The following SWAP70 variants were observed in gnomAD, a reference collection of about 807,000 sequenced individuals.
SWAP70 encodes the protein switching B cell complex subunit SWAP70.
In SWAP70, 34 loss-of-function variants were observed where a neutral mutation model predicts 80.2. That is an observed-to-expected ratio of 0.42 (90% CI 0.32 to 0.56). The LOEUF (loss-of-function observed/expected upper bound fraction) is 0.56. Among genes scored for constraint, SWAP70 ranks in the 20% least tolerant of loss-of-function variants. The pLI is 0.09. For synonymous variants in SWAP70, 239 were observed against 238.5 expected, an observed-to-expected ratio of 1.00 and a Z score of -0.02; for missense variants, 578 against 690.7, an observed-to-expected ratio of 0.84 and a Z score of 1.83.
At chr11:9,724,298 TTTG>T (rs1338935241) in intron 3 of SWAP70, among the ~76,000 whole-genome samples, 1 of 152,238 alleles carries the variant, frequency 6.6e-6, no homozygotes, top group Non-Finnish European at 1.5e-5. Context: ...TTAGCGCTTG[TTTG>T]TTGAGTAAGA....
intron 1 of SWAP70, among the ~76,000 whole-genome samples, chr11:9,684,007 T>C (rs1359261924): frequency 6.6e-6 from 1 of 152,154 alleles, no homozygotes; most frequent in Non-Finnish European, 1.5e-5. Flanking sequence ...TTCATTCTTT[T>C]ATTTTTAATT....
chr11:9,672,195 C>CTATGTATGTATA (rs530619499), intron 1 of SWAP70, among the ~76,000 whole-genome samples: 15 of 78,438 alleles, frequency 1.9e-4, no homozygotes, highest in Non-Finnish European at 2.6e-4. Flanking sequence ...ATGTGTGTGT[C>CTATGTATGTATA]TATATATATA....
At chr11:9,698,745 A>G (rs933804512) in intron 2 of SWAP70, among the ~76,000 whole-genome samples, 1 of 152,172 alleles carries the variant, frequency 6.6e-6, no homozygotes, top group African/African-American at 2.4e-5. Context: ...CAGAGATGAT[A>G]ACATTACCCT....
chr11:9,675,346 C>G (rs935036413), intron 1 of SWAP70, among the ~76,000 whole-genome samples: 733 of 8,322 alleles, frequency 0.088, 47 homozygotes, highest in African/African-American at 0.14. Flanking sequence ...AGAGAGGGAG[C>G]GAGAGAGAGA....
intron 1 of SWAP70, among the ~76,000 whole-genome samples, chr11:9,665,174 C>T (rs1370841823): frequency 6.6e-6 from 1 of 152,046 alleles, no homozygotes; most frequent in Non-Finnish European, 1.5e-5. Flanking sequence ...ATTTTAGATC[C>T]GAATGTCCGG....
rs564339201 is a variant in SWAP70, at chr11:9,664,155, T to TTGGCGGGGCAGCAGGGCC, written c.-24_-7dup. 1,062 of 1,544,810 alleles carry TTGGCGGGGCAGCAGGGCC rather than the reference T, an allele frequency of 6.9e-4. 13 individuals carry two copies. The East Asian group carries it at 0.023, about 33-fold the overall frequency. On this transcript the variant is annotated 5_prime_UTR_variant, in exon 1 of 12. Coordinates refer to ENST00000318950, the MANE Select transcript of SWAP70 (RefSeq NM_015055.4). ...GGAGGGGCTGGCTGGGCAGGAGGGG[T>TTGGCGGGGCAGCAGGGCC]TGGCGGGGCAGCAGGGCCGCGGCCA... is the stretch of plus-strand genomic sequence containing the variant.
chr11:9,719,622 G>A (rs1431601885), intron 3 of SWAP70, among the ~76,000 whole-genome samples: 1 of 152,148 alleles, frequency 6.6e-6, no homozygotes, highest in African/African-American at 2.4e-5. Flanking sequence ...ATATTTAAGT[G>A]ACTTACATAG....
At chr11:9,680,273 G>A (rs578019223) in intron 1 of SWAP70, among the ~76,000 whole-genome samples, 4 of 152,248 alleles carry the variant, frequency 2.6e-5, no homozygotes, top group South Asian at 4.1e-4. Context: ...ACTCTAAGCC[G>A]TGCCATCCAG....
At chr11:9,687,658 A>G (rs541212718) in intron 1 of SWAP70, among the ~76,000 whole-genome samples, 37 of 152,290 alleles carry the variant, frequency 2.4e-4, no homozygotes, top group African/African-American at 8.7e-4. Flanking sequence ...CATCAGTGGC[A>G]TATATTCTGT....
chr11:9,725,845 C>A (rs1476458351), intron 4 of SWAP70, among the ~76,000 whole-genome samples: 1 of 152,092 alleles, frequency 6.6e-6, no homozygotes, highest in Non-Finnish European at 1.5e-5. Flanking sequence ...GTTGGCATTA[C>A]AGGCGTGAAC....
At position 9,738,333 on chromosome 11, in the gene SWAP70, T is replaced by C. The variant is rs752142880; in HGVS notation, c.1188+13T>C. 4 of 1,571,244 alleles carry C rather than the reference T, an allele frequency of 2.5e-6. No individual in the cohort carries two copies. The highest frequency in any genetic ancestry group is 3.4e-4 in the Middle Eastern group (2 of 5,864). On this transcript the variant is annotated intron_variant, in intron 8 of 11. Coordinates refer to ENST00000318950, the MANE Select transcript of SWAP70 (RefSeq NM_015055.4). ...AAGAGAGAAGCTTGTGAGTATCACATGGCTGGAGAAAGCAGCTGCAGTAGC... is the reference window on the plus strand; with the variant it reads ...AAGAGAGAAGCTTGTGAGTATCACACGGCTGGAGAAAGCAGCTGCAGTAGC...
chr11:9,727,500 C>T (rs749640453), intron 4 of SWAP70, among the ~76,000 whole-genome samples: 2 of 132,196 alleles, frequency 1.5e-5, no homozygotes, highest in African/African-American at 6.5e-5. Flanking sequence ...GCTGGGATTA[C>T]AGGCATGAGC....
At chr11:9,706,851 G>C (rs187052586) in intron 2 of SWAP70, among the ~76,000 whole-genome samples, 2 of 151,466 alleles carry the variant, frequency 1.3e-5, no homozygotes, top group African/African-American at 2.4e-5. Context: ...CTGTGTATAT[G>C]GTCAGTACAT....
At chr11:9,676,655 T>A (rs898488034) in intron 1 of SWAP70, among the ~76,000 whole-genome samples, 1 of 150,728 alleles carries the variant, frequency 6.6e-6, no homozygotes, top group Non-Finnish European at 1.5e-5. Context: ...GCAGTTTTTT[T>A]TTTTTTTTTT....
chr11:9,727,897 G>A (rs1449808323), intron 4 of SWAP70, among the ~76,000 whole-genome samples, 156 bp from the exon 5 acceptor site: 1 of 152,074 alleles, frequency 6.6e-6, no homozygotes, highest in Non-Finnish European at 1.5e-5. Flanking sequence ...TAGGTGTAAT[G>A]CCCCTCCATA....
intron 1 of SWAP70, among the ~76,000 whole-genome samples, chr11:9,684,549 C>T (rs1430773332): frequency 2.0e-5 from 3 of 152,128 alleles, no homozygotes; most frequent in African/African-American, 7.2e-5. Context: ...CTTATTGTGT[C>T]CTTTTCTCAG....
intron 9 of SWAP70, among the ~76,000 whole-genome samples, chr11:9,744,228 C>G (rs1255865288): frequency 6.6e-6 from 1 of 152,188 alleles, no homozygotes; most frequent in Non-Finnish European, 1.5e-5. Flanking sequence ...TCCCAAAGTG[C>G]TGGGATTACA....
In SWAP70 at chr11:9,694,233, C is replaced by T. The variant is rs1850728192; in HGVS notation, c.187C>T (p.Pro63Ser). 1 of 1,613,156 alleles carries T rather than the reference C, an allele frequency of 6.2e-7. No individual in the cohort carries two copies. Among genetic ancestry groups the T allele is most frequent in the Non-Finnish European group, 8.5e-7 (1 of 1,179,666 alleles). ...GCACTTCAGGGATGATGATGAGGGT[C>T]CAGTGTCCAACCAGGGCTACATGCC... ...EEHFRDDDEG[P>S]VSNQGYMPYL... is the part of the protein sequence containing the mutation. Residue 63 changes from proline to serine, a missense_variant, in exon 2 of 12, where the codon CCA becomes TCA. Physicochemically the swap from Pro to Ser is moderately conservative, Grantham distance 74. Transcript: ENST00000318950.
At chr11:9,714,419 G>A (rs1440812198) in intron 3 of SWAP70, among the ~76,000 whole-genome samples, 1 of 152,156 alleles carries the variant, frequency 6.6e-6, no homozygotes, top group African/African-American at 2.4e-5. Context: ...TTAGTTTAAT[G>A]CCTGGCACAT....
Sources: allele counts gnomAD v4.1 joint callset (sites outside exome capture counted in the v4.1 genomes callset), GRCh38; gene constraint gnomAD v4.1.1; transcripts MANE v1.5; gene names NCBI Gene and HGNC (gene_info 2026-07-23, HGNC 2026-07-21).